Variants in RPS6KA2 observed in about 807,000 individuals in gnomAD.
RPS6KA2 encodes the protein ribosomal protein S6 kinase A2, also known as ribosomal protein S6 kinase alpha-2.
RPS6KA2 carries 42 observed loss-of-function variants against 91.8 expected under a neutral mutation model. That is an observed-to-expected ratio of 0.46 (90% CI 0.36 to 0.59). The LOEUF is 0.59. RPS6KA2 is among the 20% of genes least tolerant of loss of function. RPS6KA2 has a pLI of 0.00. For missense variants in RPS6KA2, 798 were observed against 978.5 expected (o/e 0.82, Z 2.46); for synonymous variants, 414 against 393.6 (o/e 1.05, Z -0.61).
In RPS6KA2 at chr6:166,818,148, AAATT is replaced by A. The variant is rs370606961; in HGVS notation, c.123+40048_123+40051del. The stretch of plus-strand genomic sequence containing the variant: ...AATATTGTTGTGCTCAAAAATATTA[AAATT>A]AATATAATGATATTATTAAATGTAC... On this transcript the variant is annotated intron_variant, in intron 2 of 21. Coordinates refer to the RPS6KA2 transcript ENST00000503859. 5.3e-4 allele frequency among the ~76,000 whole-genome samples: 80 copies of A among 150,934 alleles called. No homozygotes were observed. The East Asian group carries it at 0.01, about 20-fold the overall frequency.
intron 15 of RPS6KA2, among the ~76,000 whole-genome samples, chr6:166,430,813 G>A (rs1779102145): frequency 6.6e-6 from 1 of 152,124 alleles, no homozygotes; most frequent in East Asian, 1.9e-4. Context: ...GGAAGAAAAC[G>A]GCTTTAATAA....
chr6:166,658,039 T>C (rs1041472195), intron 2 of RPS6KA2, among the ~76,000 whole-genome samples: 1 of 152,170 alleles, frequency 6.6e-6, no homozygotes, highest in Non-Finnish European at 1.5e-5. Flanking sequence ...TGTGCCACCA[T>C]GCCTGGCTAA....
At chr6:166,686,958 G>T (rs1326417942) in intron 2 of RPS6KA2, among the ~76,000 whole-genome samples, 1 of 152,246 alleles carries the variant, frequency 6.6e-6, no homozygotes, top group Non-Finnish European at 1.5e-5. Flanking sequence ...TACAAGTCCG[G>T]AGGGACTGAC....
In RPS6KA2 at chr6:166,726,769, T is replaced by A. The variant is rs554015538; in HGVS notation, c.123+131431A>T. On this transcript the variant is annotated intron_variant, in intron 2 of 21. Coordinates refer to the RPS6KA2 transcript ENST00000503859. The surrounding 1 kb of genome is among the most constrained non-coding windows in gnomAD (Gnocchi z 4.4). The stretch of plus-strand genomic sequence containing the variant: ...TGAATTCTTGTCAAAGCTTTAAAAC[T>A]GAACACGGCAACAACTCTAGGTGAG... 5.3e-5 allele frequency among the ~76,000 whole-genome samples: 8 copies of A among 152,334 alleles called. No individual in the cohort carries two copies. Among genetic ancestry groups the A allele is most frequent in the African/African-American group, 1.9e-4 (8 of 41,572 alleles).
rs1790541883 is a variant in RPS6KA2 at position 166,732,049 on chromosome 6, G to A, written c.123+126151C>T. Among the ~76,000 whole-genome samples, 1 of 152,174 alleles carries A rather than the reference G, an allele frequency of 6.6e-6. No individual in the cohort carries two copies. The highest frequency in any genetic ancestry group is 2.4e-5 in the African/African-American group (1 of 41,446). ...GTGGTGGCTACTGAGGAGACGGGAA[G>A]GGATGGGATTGGGGAGAAATAACAA... On this transcript the variant is annotated intron_variant, in intron 2 of 21. Transcript: ENST00000503859. The surrounding 1 kb of genome is among the most constrained non-coding windows in gnomAD (Gnocchi z 4.0).
chr6:166,795,068 T>C (rs1472118373), intron 2 of RPS6KA2, among the ~76,000 whole-genome samples: 2 of 151,922 alleles, frequency 1.3e-5, no homozygotes, highest in Non-Finnish European at 2.9e-5. Context: ...CTAAAAGAAA[T>C]GTTTATACTT....
chr6:166,782,483 TAAAC>T (rs1198578981), intron 2 of RPS6KA2, among the ~76,000 whole-genome samples: 3 of 152,054 alleles, frequency 2.0e-5, no homozygotes, highest in South Asian at 2.1e-4. Context: ...ACCAGACTCT[TAAAC>T]AAAGTCCTAG....
intron 7 of RPS6KA2, among the ~76,000 whole-genome samples, chr6:166,499,115 G>A (rs1781916079): frequency 1.3e-5 from 2 of 152,190 alleles, no homozygotes; most frequent in African/African-American, 2.4e-5. Flanking sequence ...CCGACAACAC[G>A]AGGGTGTGGA....
intron 2 of RPS6KA2, among the ~76,000 whole-genome samples, chr6:166,842,426 A>G (rs1268104262): frequency 6.6e-6 from 1 of 152,250 alleles, no homozygotes; most frequent in Non-Finnish European, 1.5e-5. Context: ...AGCAAAGCAC[A>G]GAGGACAGGG....
At chr6:166,529,234 T>C (rs1265955106) in intron 3 of RPS6KA2, among the ~76,000 whole-genome samples, 2 of 152,218 alleles carry the variant, frequency 1.3e-5, no homozygotes, top group Non-Finnish European at 2.9e-5. Context: ...TGGAATACTA[T>C]GCAGCCATAA....
intron 2 of RPS6KA2, among the ~76,000 whole-genome samples, chr6:166,699,311 A>G (rs1159619657): frequency 1.3e-5 from 2 of 152,220 alleles, no homozygotes; most frequent in East Asian, 1.9e-4. Context: ...AGGAGCCATC[A>G]GATCCTAGTT....
chr6:166,628,809 G>A (rs190418451), upstream of RPS6KA2, among the ~76,000 whole-genome samples: 180 of 152,346 alleles, frequency 1.2e-3, 1 homozygote, highest in African/African-American at 4.2e-3. Flanking sequence ...CAAGATCACG[G>A]ATGTGGGAGT....
At chr6:166,473,199 T>A (rs1332481976) in intron 10 of RPS6KA2, among the ~76,000 whole-genome samples, 1 of 152,148 alleles carries the variant, frequency 6.6e-6, no homozygotes, top group African/African-American at 2.4e-5. Flanking sequence ...GAATGGATTT[T>A]TTTTTTTATT....
At chr6:166,446,499 C>T (rs1779683253) in intron 14 of RPS6KA2, among the ~76,000 whole-genome samples, 2 of 152,192 alleles carry the variant, frequency 1.3e-5, no homozygotes, top group African/African-American at 4.8e-5. Context: ...CTTTCTTCTA[C>T]CATCGGCCAG....
At chr6:166,538,459 CGGCATTTTGTTCTCACCT>C (rs1783549490) in intron 2 of RPS6KA2, among the ~76,000 whole-genome samples, 191 bp downstream of exon 2, 1 of 152,302 alleles carries the variant, frequency 6.6e-6, no homozygotes, top group South Asian at 2.1e-4. Context: ...ACGGCTCCAA[CGGCATTTTGTTCTCACCT>C]GGCACAGCCC....
chr6:166,460,277 G>A (rs199512983), intron 11 of RPS6KA2, among the ~76,000 whole-genome samples: 5 of 152,356 alleles, frequency 3.3e-5, no homozygotes, highest in African/African-American at 1.2e-4. Flanking sequence ...TCTGTGCTCC[G>A]GTCTCAGAGC....
intron 13 of RPS6KA2, among the ~76,000 whole-genome samples, 159 bp from the exon 14 acceptor site, chr6:166,449,008 G>A (rs374356601): frequency 5.3e-5 from 8 of 152,276 alleles, no homozygotes; most frequent in African/African-American, 1.9e-4. Context: ...AGGCTGCAGA[G>A]CTACTTAGTG....
chr6:166,585,975 A>T (rs1785156695), intron 1 of RPS6KA2: 1 of 451,646 alleles, frequency 2.2e-6, no homozygotes, highest in Non-Finnish European at 3.5e-6. Context: ...CGCAAGTAAG[A>T]TCTATTTTTT....
chr6:166,752,411 T>C (rs1159909327), intron 2 of RPS6KA2, among the ~76,000 whole-genome samples: 2 of 152,144 alleles, frequency 1.3e-5, no homozygotes, highest in African/African-American at 2.4e-5. Context: ...TTAGAATGAA[T>C]GGAAAGAGAA....
Sources: gnomAD v4.1 joint callset for allele counts (sites outside exome capture counted in the v4.1 genomes callset) on GRCh38, gnomAD v4.1.1 for gene constraint, Gnocchi (gnomAD v3.1) non-coding constraint, MANE v1.5 for transcripts, NCBI Gene and HGNC (gene_info 2026-07-23, HGNC 2026-07-21) for gene names.